The following IGSF21 variants were observed in gnomAD, a reference collection of about 807,000 sequenced individuals.
IGSF21 encodes the protein immunoglobin superfamily member 21.
Under a neutral mutation model 46.8 loss-of-function variants are expected in IGSF21, and 28 were observed. The observed-to-expected ratio is 0.60, with a 90% CI of 0.44 to 0.82. IGSF21 has a LOEUF of 0.82. Among genes scored for constraint, IGSF21 ranks in the 40% least tolerant of loss-of-function variants. The pLI is 0.00. For synonymous variants in IGSF21, 284 were observed against 273.6 expected (o/e 1.04, Z -0.38); for missense variants, 624 against 665.5 (o/e 0.94, Z 0.69).
chr1:18,339,923 C>T (rs975418521), intron 4 of IGSF21, among the ~76,000 whole-genome samples: 1 of 152,182 alleles, frequency 6.6e-6, no homozygotes, highest in Admixed American at 6.5e-5. Context: ...ACTTCTCAAA[C>T]CCTCTGAAAG....
At chr1:18,287,168 G>A (rs1052939448) in intron 2 of IGSF21, among the ~76,000 whole-genome samples, 7 of 120,006 alleles carry the variant, frequency 5.8e-5, no homozygotes, top group African/African-American at 1.4e-4. Context: ...GCGACAGAGC[G>A]AGACTCCGTC....
chr1:18,370,424 C>A (rs2086213419), intron 6 of IGSF21, among the ~76,000 whole-genome samples: 1 of 152,136 alleles, frequency 6.6e-6, no homozygotes, highest in Admixed American at 6.5e-5. Context: ...AACCTGGACC[C>A]CTGCCTCGCA....
At chr1:18,310,606 G>A (rs777506891) in intron 3 of IGSF21, among the ~76,000 whole-genome samples, 2 of 152,192 alleles carry the variant, frequency 1.3e-5, no homozygotes, top group Non-Finnish European at 2.9e-5. Flanking sequence ...GAGGACGTGT[G>A]GGGTGCAGGG....
intron 1 of IGSF21, among the ~76,000 whole-genome samples, chr1:18,174,554 C>A (rs1335740563): frequency 6.6e-6 from 1 of 152,170 alleles, no homozygotes; most frequent in Non-Finnish European, 1.5e-5. Flanking sequence ...CACCCACATC[C>A]CCTCGCTCGC....
At chr1:18,230,473 A>G (rs1025857633) in intron 2 of IGSF21, among the ~76,000 whole-genome samples, 3 of 152,072 alleles carry the variant, frequency 2.0e-5, no homozygotes, top group African/African-American at 7.2e-5. Flanking sequence ...GCATATGCAG[A>G]TGTATGCAAA....
chr1:18,235,040 T>C (rs1569592780), intron 2 of IGSF21, among the ~76,000 whole-genome samples: 1 of 152,176 alleles, frequency 6.6e-6, no homozygotes, highest in South Asian at 2.1e-4. Flanking sequence ...CCGGCAGGGG[T>C]ACCTGACTCT....
intron 1 of IGSF21, among the ~76,000 whole-genome samples, chr1:18,131,629 G>A (rs185361686): frequency 1.3e-5 from 2 of 152,340 alleles, no homozygotes; most frequent in African/African-American, 2.4e-5. Context: ...CTCGATAGAA[G>A]TTTATTTTTA....
At chr1:18,286,595 C>CT (rs1051027425) in intron 2 of IGSF21, among the ~76,000 whole-genome samples, 4 of 152,182 alleles carry the variant, frequency 2.6e-5, no homozygotes, top group African/African-American at 9.7e-5. Flanking sequence ...CTGCTGGTTC[C>CT]TTTTGGAGCC....
chr1:18,240,392 A>G (rs1406723562), intron 2 of IGSF21, among the ~76,000 whole-genome samples: 5 of 152,272 alleles, frequency 3.3e-5, no homozygotes, highest in Non-Finnish European at 7.3e-5. Context: ...AGACTGTCAA[A>G]TAAATGCTTC....
At chr1:18,169,051 G>A (rs1002635037) in intron 1 of IGSF21, among the ~76,000 whole-genome samples, 8 of 152,214 alleles carry the variant, frequency 5.3e-5, no homozygotes, top group Non-Finnish European at 1.0e-4. Flanking sequence ...GCTCGCCTGC[G>A]TGGCTATGCT....
At chr1:18,125,269 A>G (rs2086266167) in intron 1 of IGSF21, among the ~76,000 whole-genome samples, 1 of 152,226 alleles carries the variant, frequency 6.6e-6, no homozygotes, top group Admixed American at 6.5e-5. Flanking sequence ...CATCTGGGAC[A>G]TCACTTCATT....
chr1:18,137,309 A>G (rs978216323), intron 1 of IGSF21, among the ~76,000 whole-genome samples: 2 of 152,216 alleles, frequency 1.3e-5, no homozygotes, highest in African/African-American at 4.8e-5. Flanking sequence ...AATCTGTCCC[A>G]TGATCCAATC....
intron 1 of IGSF21, among the ~76,000 whole-genome samples, chr1:18,154,140 C>A (rs2086546554): frequency 6.6e-6 from 1 of 152,178 alleles, no homozygotes; most frequent in Non-Finnish European, 1.5e-5. Flanking sequence ...GCATTCCTCG[C>A]TTCACCCCAG....
At chr1:18,189,832 C>G (rs1020843060) in intron 1 of IGSF21, among the ~76,000 whole-genome samples, 3 of 152,196 alleles carry the variant, frequency 2.0e-5, no homozygotes, top group Non-Finnish European at 2.9e-5. Flanking sequence ...CGTTTCCTAA[C>G]AGGCCATGGG....
At chr1:18,183,673 C>CCATTTAA (rs2086877262) in intron 1 of IGSF21, among the ~76,000 whole-genome samples, 2 of 152,168 alleles carry the variant, frequency 1.3e-5, no homozygotes, top group African/African-American at 4.8e-5. Context: ...GGTCAGCTTG[C>CCATTTAA]GTGAGTTGGG....
At chr1:18,124,478 A>G (rs568419803) in intron 1 of IGSF21, among the ~76,000 whole-genome samples, 60 of 152,088 alleles carry the variant, frequency 3.9e-4, no homozygotes, top group Admixed American at 3.5e-3. Context: ...TGCTTCCTGT[A>G]CTCTCTGCCT....
intron 1 of IGSF21, among the ~76,000 whole-genome samples, chr1:18,184,921 G>A (rs2086889316): frequency 2.6e-5 from 4 of 152,224 alleles, no homozygotes; most frequent in African/African-American, 4.8e-5. Flanking sequence ...CCTTGGGCAT[G>A]TGTAACTTAA....
intron 1 of IGSF21, among the ~76,000 whole-genome samples, chr1:18,124,165 A>T (rs2124410464): frequency 6.6e-6 from 1 of 152,322 alleles, no homozygotes; most frequent in South Asian, 2.1e-4. Context: ...GATCCAGAGA[A>T]ACATTGAAGC....
chr1:18,252,044 CGTT>C (rs66533233), intron 2 of IGSF21, among the ~76,000 whole-genome samples: 19,728 of 97,322 alleles, frequency 0.2, 1,801 homozygotes, highest in Middle Eastern at 0.26. Flanking sequence ...CTGACCAAGG[CGTT>C]TTTTTTTTTT....
Sources: gnomAD v4.1 joint callset for allele counts (sites outside exome capture counted in the v4.1 genomes callset) on GRCh38, gnomAD v4.1.1 for gene constraint, MANE v1.5 for transcripts, NCBI Gene and HGNC (gene_info 2026-07-23, HGNC 2026-07-21) for gene names.